Variants in PTPN11 observed in about 807,000 individuals in gnomAD.
PTPN11 encodes protein tyrosine phosphatase non-receptor type 11.
A neutral mutation model predicts 78.8 loss-of-function variants in PTPN11; 6 were observed. That is an observed-to-expected ratio of 0.08 (90% confidence interval 0.04 to 0.15). The LOEUF is 0.15. PTPN11 is among the 10% of genes least tolerant of loss of function. The pLI is 1.00. For missense variants in PTPN11, 386 were observed against 744.8 expected (o/e 0.52, Z 5.61); for synonymous variants, 221 against 263.5 (o/e 0.84, Z 1.56).
In PTPN11 at chr12:112,446,343, A is replaced by G; in HGVS notation, c.82A>G (p.Ser28Gly). The G allele has an allele frequency of 1.2e-6, 2 of 1,614,160 alleles. No individual in the cohort carries two copies. Among genetic ancestry groups the G allele is most frequent in the Non-Finnish European group, 1.7e-6 (2 of 1,180,008 alleles). The change falls in exon 2 of 16, where the codon AGT becomes GGT. Residue 28 changes from serine to glycine, a missense_variant. This residue lies in a region of PTPN11 where 279 missense variants were observed against 503.3 expected (regional missense o/e 0.55). Transcript: ENST00000351677. Reference sequence around the variant, plus strand: ...ACTGTTGACAAGAGGAGTTGATGGCAGTTTTTTGGCAAGGCCTAGTAAAAG... The same window carrying G: ...ACTGTTGACAAGAGGAGTTGATGGCGGTTTTTTGGCAAGGCCTAGTAAAAG... ...NLLLTRGVDG[S>G]FLARPSKSNP...
chr12:112,451,929 C>T (rs1291807602), intron 3 of PTPN11, among the ~76,000 whole-genome samples: 1 of 151,624 alleles, frequency 6.6e-6, no homozygotes, highest in Non-Finnish European at 1.5e-5. Context: ...AGGCTGGAGT[C>T]AAGTGACGCG....
At chr12:112,423,740 CT>C (rs1238357055) in intron 1 of PTPN11, among the ~76,000 whole-genome samples, 1,359 of 110,686 alleles carry the variant, frequency 0.012, 4 homozygotes, top group African/African-American at 0.021. Flanking sequence ...CATACAATGT[CT>C]TTTTTTTTTT....
chr12:112,429,681 G>T (rs2037680210), intron 1 of PTPN11, among the ~76,000 whole-genome samples: 1 of 151,400 alleles, frequency 6.6e-6, no homozygotes, highest in Non-Finnish European at 1.5e-5. Context: ...GTACACACCT[G>T]TAATTCCAGC....
chr12:112,439,563 G>A (rs751716395), intron 1 of PTPN11, among the ~76,000 whole-genome samples: 2 of 151,922 alleles, frequency 1.3e-5, no homozygotes, highest in Non-Finnish European at 2.9e-5. Context: ...TCGTCTCCTG[G>A]GTTCAGGTGA....
At chr12:112,476,579 G>C (rs1234801723) in intron 7 of PTPN11, among the ~76,000 whole-genome samples, 1 of 152,078 alleles carries the variant, frequency 6.6e-6, no homozygotes, top group Admixed American at 6.6e-5. Flanking sequence ...GATCAGCCTG[G>C]CTAACATGGC....
At chr12:112,456,732 C>T (rs1172389068) in intron 6 of PTPN11, among the ~76,000 whole-genome samples, 1 of 149,230 alleles carries the variant, frequency 6.7e-6, no homozygotes, top group African/African-American at 2.5e-5. Flanking sequence ...GTAGCTGGGA[C>T]TACAGGCACA....
At chr12:112,420,633 T>C (rs2037509653) in intron 1 of PTPN11, among the ~76,000 whole-genome samples, 1 of 152,176 alleles carries the variant, frequency 6.6e-6, no homozygotes, top group Non-Finnish European at 1.5e-5. Flanking sequence ...TGAGCCACCG[T>C]ACCCAGCCTG....
intron 5 of PTPN11, 80 bp downstream of exon 5, chr12:112,454,760 G>A (rs920378686): frequency 5.1e-6 from 5 of 973,650 alleles, no homozygotes; most frequent in African/African-American, 4.8e-5. Context: ...AACATACAGA[G>A]GTAGACAGAA....
rs141140214 is a variant in PTPN11, at chr12:112,502,226, C to T, written c.1682C>T (p.Pro561Leu). 255 of 1,613,544 alleles carry T rather than the reference C, an allele frequency of 1.6e-4. 1 individual carries two copies. The highest frequency in any genetic ancestry group is 2.1e-4 in the Non-Finnish European group (244 of 1,179,626). ...ACGAGTGGAGATCAGAGCCCTCTCCCGCCTTGTACTCCAACGCCACCCTGT... is the reference window on the plus strand; with the variant it reads ...ACGAGTGGAGATCAGAGCCCTCTCCTGCCTTGTACTCCAACGCCACCCTGT... ...DQTSGDQSPL[P>L]PCTPTPPCAE... The change falls in exon 14 of 16, where the codon CCG (proline) becomes CTG (leucine). Residue 561 changes from proline (P) to leucine (L), a missense_variant. Physicochemically the swap from Pro to Leu is moderately conservative, Grantham distance 98. Transcript: ENST00000351677.
intron 14 of PTPN11, among the ~76,000 whole-genome samples, chr12:112,503,822 C>T (rs1367145072): frequency 6.6e-6 from 1 of 152,174 alleles, no homozygotes; most frequent in African/African-American, 2.4e-5. Flanking sequence ...CCCTCTCAGC[C>T]TGGCACCCAC....
At chr12:112,492,053 C>T (rs955341961) in intron 13 of PTPN11, among the ~76,000 whole-genome samples, 22 of 152,176 alleles carry the variant, frequency 1.4e-4, no homozygotes, top group Non-Finnish European at 2.8e-4. Flanking sequence ...GTTTCTCAGT[C>T]ATTCTTTATT....
chr12:112,509,500 A>T lies in PTPN11; in HGVS notation c.*3708A>T, dbSNP rs1296343853. The T allele has an allele frequency of 6.6e-6, 1 of 152,618 alleles. No individual in the cohort carries two copies. Among genetic ancestry groups the T allele is most frequent in the Non-Finnish European group, 1.5e-5 (1 of 68,028 alleles). 9.5% of individuals were successfully genotyped at this position (152,618 alleles called of 1,614,324 possible). A position where few individuals can be genotyped will look rare whatever the true frequency, so the allele number is the denominator to read the frequency against. On this transcript the variant is annotated 3_prime_UTR_variant, in exon 16 of 16. Transcript: ENST00000351677. ...AAGCTGATGACTAGACCTACAATTA[A>T]TTTTCCTGCAGTATATGAAGTATTG...
intron 1 of PTPN11, among the ~76,000 whole-genome samples, chr12:112,435,381 G>A (rs1252502322): frequency 6.6e-6 from 1 of 152,256 alleles, no homozygotes; most frequent in South Asian, 2.1e-4. Context: ...CATCACAGGG[G>A]TGAGGTCAAG....
intron 1 of PTPN11, among the ~76,000 whole-genome samples, chr12:112,436,333 A>G (rs2037789765): frequency 6.6e-6 from 1 of 152,166 alleles, no homozygotes; most frequent in Non-Finnish European, 1.5e-5. Context: ...TATATGCTTT[A>G]TAGTTCTTTT....
chr12:112,505,704 G>A (rs1274137206), intron 15 of PTPN11, 121 bp from the exon 16 acceptor site: 1 of 147,312 alleles, frequency 6.8e-6, no homozygotes, highest in Admixed American at 6.8e-5. Flanking sequence ...ATTTCATGTC[G>A]AAATTCCACT....
At chr12:112,439,890 T>C (rs778235425) in intron 1 of PTPN11, among the ~76,000 whole-genome samples, 1 of 152,138 alleles carries the variant, frequency 6.6e-6, no homozygotes, top group Non-Finnish European at 1.5e-5. Flanking sequence ...TTTCCATTTT[T>C]TTCCTCTTGG....
chr12:112,499,209 C>G (rs1466633796), intron 13 of PTPN11, among the ~76,000 whole-genome samples: 1 of 149,898 alleles, frequency 6.7e-6, no homozygotes, highest in Non-Finnish European at 1.5e-5. Flanking sequence ...TTAAAAATTG[C>G]TTTTAAAAAA....
intron 10 of PTPN11, among the ~76,000 whole-genome samples, chr12:112,483,018 A>G (rs904545545): frequency 1.1e-4 from 17 of 152,152 alleles, no homozygotes; most frequent in Non-Finnish European, 2.9e-5. Context: ...TGCTGGAGAT[A>G]GAGCTGGGGA....
intron 1 of PTPN11, among the ~76,000 whole-genome samples, chr12:112,436,826 GATTT>G (rs2037799675): frequency 6.6e-6 from 1 of 151,684 alleles, no homozygotes; most frequent in Non-Finnish European, 1.5e-5. Context: ...AAGAATGATT[GATTT>G]AAAGACCCTC....
Sources: gnomAD v4.1 joint callset for allele counts (sites outside exome capture counted in the v4.1 genomes callset) on GRCh38, gnomAD v4.1.1 for gene constraint, gnomAD v4.1.1 regional missense constraint, MANE v1.5 for transcripts, NCBI Gene and HGNC (gene_info 2026-07-23, HGNC 2026-07-21) for gene names.